TSHZ2: variants seen among roughly 807,000 people sequenced by gnomAD.
TSHZ2 encodes teashirt zinc finger homeobox 2.
In TSHZ2, 21 loss-of-function variants were observed where a neutral mutation model predicts 74.4. The observed-to-expected ratio is 0.28, with a 90% confidence interval of 0.20 to 0.41. The LOEUF is 0.41. TSHZ2 is among the 10% of genes least tolerant of loss of function. TSHZ2 has a pLI of 1.00. For synonymous variants in TSHZ2, 540 were observed against 515.3 expected (o/e 1.05, Z -0.65); for missense variants, 1,244 against 1,293.5 (o/e 0.96, Z 0.59).
chr20:53,179,952 C>T (rs900410843), intron 1 of TSHZ2, among the ~76,000 whole-genome samples: 4 of 152,104 alleles, frequency 2.6e-5, no homozygotes, highest in Admixed American at 1.3e-4. Flanking sequence ...TGTAAGATCA[C>T]GTGATGTTCA....
chr20:52,988,094 G>C (rs1185158169), intron 1 of TSHZ2, among the ~76,000 whole-genome samples: 1 of 151,398 alleles, frequency 6.6e-6, no homozygotes, highest in East Asian at 1.9e-4. Flanking sequence ...TTTCTATGTA[G>C]TACCGGTGAT....
chr20:53,474,312 GCAGAAACCCTACAAGC>G (rs1291799063), intron 2 of TSHZ2, among the ~76,000 whole-genome samples: 1 of 98,512 alleles, frequency 1.0e-5, no homozygotes, highest in Admixed American at 9.7e-5. Flanking sequence ...GGATCTCTCA[GCAGAAACCCTACAAGC>G]CAGAAGAGAG....
rs1418902044 is a variant in TSHZ2 at position 53,256,451 on chromosome 20, T to A, written c.2993T>A (p.Leu998Ter). The stretch of plus-strand genomic sequence containing the variant: ...ACAGACTCTAAATTCAAGTGTAAGT[T>A]GTGCTGTCGGACATTTGTGAGCAAA... ...EDTDSKFKCK[L>*]CCRTFVSKHA... The change falls in exon 2 of 3, where the codon TTG (leucine) becomes TAG (stop). Residue 998 changes from leucine to a stop codon, truncating the protein, a stop_gained. Coordinates refer to ENST00000371497, the MANE Select transcript of TSHZ2 (RefSeq NM_173485.6). LOFTEE classifies it high-confidence loss of function. This position sits in a 1 kb window ranked among gnomAD's most constrained non-coding sequence, Gnocchi z 4.3. 1 of 1,614,010 alleles carries A rather than the reference T, an allele frequency of 6.2e-7. No individual in the cohort carries two copies. The highest frequency in any genetic ancestry group is 1.7e-5 in the Admixed American group (1 of 59,998).
At chr20:53,063,656 T>C (rs929962346) in intron 1 of TSHZ2, among the ~76,000 whole-genome samples, 2 of 152,220 alleles carry the variant, frequency 1.3e-5, no homozygotes, top group Non-Finnish European at 2.9e-5. Context: ...AGAAAATGTG[T>C]GTTTGCTTGC....
chr20:53,361,901 G>GTGT (rs140420719), intron 2 of TSHZ2, among the ~76,000 whole-genome samples: 1 of 137,178 alleles, frequency 7.3e-6, no homozygotes, highest in Admixed American at 7.7e-5. Context: ...GTTGTTGTTT[G>GTGT]TGTTGTTGTT....
chr20:53,196,835 G>A (rs1397705356), intron 1 of TSHZ2, among the ~76,000 whole-genome samples: 1 of 152,216 alleles, frequency 6.6e-6, no homozygotes, highest in African/African-American at 2.4e-5. Flanking sequence ...TGCCAGATTT[G>A]CCATGGTGGC....
Position 53,334,964 on chromosome 20 carries a change from G to A in TSHZ2, c.*8+78393G>A, listed in dbSNP as rs1275121875. Among the ~76,000 whole-genome samples, 4 of 152,184 alleles carry A rather than the reference G, an allele frequency of 2.6e-5. No individual in the cohort carries two copies. The East Asian group carries it at 7.7e-4, about 29-fold the overall frequency. On this transcript the variant is annotated intron_variant, in intron 2 of 2. Coordinates refer to ENST00000371497, the MANE Select transcript of TSHZ2 (RefSeq NM_173485.6). Reference sequence around the variant, plus strand: ...CTCAAAGGGCTGGGATTACAGGTGTGAGCCACCACGCCCAGCCAGATGTAC... The same window carrying A: ...CTCAAAGGGCTGGGATTACAGGTGTAAGCCACCACGCCCAGCCAGATGTAC...
intron 2 of TSHZ2, among the ~76,000 whole-genome samples, chr20:53,283,654 G>A (rs993426235): frequency 6.6e-6 from 1 of 152,204 alleles, no homozygotes; most frequent in Non-Finnish European, 1.5e-5. Flanking sequence ...ACTGGGTTTA[G>A]TACTTCTTTG....
intron 1 of TSHZ2, among the ~76,000 whole-genome samples, chr20:53,194,413 T>C (rs559521623): frequency 6.3e-4 from 96 of 152,338 alleles, no homozygotes; most frequent in African/African-American, 2.2e-3. Flanking sequence ...GGAGAGTGAA[T>C]GTCAATGCCA....
chr20:53,045,557 C>T (rs1018436205), intron 1 of TSHZ2, among the ~76,000 whole-genome samples: 2 of 152,210 alleles, frequency 1.3e-5, no homozygotes, highest in African/African-American at 4.8e-5. Flanking sequence ...CAGGCTCTAC[C>T]TATCCTGATT....
chr20:53,051,288 G>A (rs1984450489), intron 1 of TSHZ2, among the ~76,000 whole-genome samples: 1 of 152,158 alleles, frequency 6.6e-6, no homozygotes, highest in South Asian at 2.1e-4. Context: ...GCAGTGAGCT[G>A]AGATTTTGCC....
chr20:53,047,406 G>A (rs574158527), intron 1 of TSHZ2, among the ~76,000 whole-genome samples: 8 of 152,256 alleles, frequency 5.3e-5, no homozygotes, highest in Admixed American at 5.2e-4. Context: ...CAAGATGGCT[G>A]CCCTGGATTC....
intron 2 of TSHZ2, among the ~76,000 whole-genome samples, chr20:53,336,269 C>T (rs1315594190): frequency 1.3e-5 from 2 of 152,206 alleles, no homozygotes; most frequent in Admixed American, 6.5e-5. Context: ...AATTCTACCA[C>T]GTCTCCTTTC....
intron 2 of TSHZ2, among the ~76,000 whole-genome samples, chr20:53,460,685 C>A (rs201511770): frequency 4.7e-4 from 72 of 152,230 alleles, no homozygotes; most frequent in East Asian, 1.2e-3. Context: ...GGTTTTATCT[C>A]CTTTTGGTCT....
intron 2 of TSHZ2, among the ~76,000 whole-genome samples, chr20:53,448,044 G>A (rs1984625033): frequency 6.6e-6 from 1 of 151,860 alleles, no homozygotes; most frequent in African/African-American, 2.4e-5. Flanking sequence ...CTCCCGAGTA[G>A]CTGGGACTAC....
At chr20:53,202,141 G>A (rs1989024970) in intron 1 of TSHZ2, among the ~76,000 whole-genome samples, 1 of 152,200 alleles carries the variant, frequency 6.6e-6, no homozygotes, top group South Asian at 2.1e-4. Context: ...TTCTTTTGCT[G>A]CTGGAGGACA....
intron 1 of TSHZ2, among the ~76,000 whole-genome samples, chr20:53,033,951 T>A (rs1431373336): frequency 1.3e-5 from 2 of 152,152 alleles, no homozygotes; most frequent in Non-Finnish European, 2.9e-5. Flanking sequence ...TGAGCCACCG[T>A]GCCCTGCCAA....
Position 53,491,888 on chromosome 20 carries a change from T to C in TSHZ2, c.*4753T>C, listed in dbSNP as rs182300124. ...ATGATTTTACCAATAGCCATGATTATTATTAAGGCCTTTTAAAATACAGGC... is the reference window on the plus strand; with the variant it reads ...ATGATTTTACCAATAGCCATGATTACTATTAAGGCCTTTTAAAATACAGGC... On this transcript the variant is annotated 3_prime_UTR_variant, in exon 3 of 3. Transcript: ENST00000371497. 1.4e-4 allele frequency: 21 copies of C among 152,294 alleles called. No individual in the cohort carries two copies. Among genetic ancestry groups the C allele is most frequent in the African/African-American group, 5.1e-4 (21 of 41,570 alleles). 9.4% of individuals were successfully genotyped at this position (152,294 alleles called of 1,614,324 possible).
intron 1 of TSHZ2, among the ~76,000 whole-genome samples, chr20:53,176,971 C>A (rs1366936646): frequency 6.6e-6 from 1 of 152,122 alleles, no homozygotes. Flanking sequence ...AGGCACGAGC[C>A]ATCGCACCCA....
Sources: gnomAD v4.1 joint callset for allele counts (sites outside exome capture counted in the v4.1 genomes callset) on GRCh38, gnomAD v4.1.1 for gene constraint, Gnocchi (gnomAD v3.1) non-coding constraint, MANE v1.5 for transcripts, NCBI Gene and HGNC (gene_info 2026-07-23, HGNC 2026-07-21) for gene names.